Variants in STXBP5 observed in about 807,000 individuals in gnomAD.
STXBP5 encodes the protein syntaxin-binding protein 5.
Under a neutral mutation model 152.4 loss-of-function variants are expected in STXBP5, and 50 were observed. That is an observed-to-expected ratio of 0.33 (90% CI 0.26 to 0.42). The LOEUF (loss-of-function observed/expected upper bound fraction) is 0.42. STXBP5 is among the 10% of genes least tolerant of loss of function. The pLI, the probability that STXBP5 is intolerant of heterozygous loss-of-function variation, is 1.00. For synonymous variants in STXBP5, 492 were observed against 494.7 expected (o/e 0.99, Z 0.07); for missense variants, 1,167 against 1,388.6 (o/e 0.84, Z 2.54).
chr6:147,214,920 A>C (rs926829568), intron 2 of STXBP5, among the ~76,000 whole-genome samples: 1 of 152,226 alleles, frequency 6.6e-6, no homozygotes, highest in Admixed American at 6.5e-5. Context: ...CAGATTCCTA[A>C]ATGATCAACT....
intron 9 of STXBP5, among the ~76,000 whole-genome samples, chr6:147,300,640 C>G (rs1781760473): frequency 6.6e-6 from 1 of 151,994 alleles, no homozygotes; most frequent in Non-Finnish European, 1.5e-5. Flanking sequence ...TTTCACCAAA[C>G]ACAAAAATCT....
At chr6:147,224,621 AC>A (rs1313713627) in intron 2 of STXBP5, among the ~76,000 whole-genome samples, 1 of 152,170 alleles carries the variant, frequency 6.6e-6, no homozygotes, top group Non-Finnish European at 1.5e-5. Context: ...TTTCCTGGTA[AC>A]CTGCTACTTA....
At chr6:147,221,443 A>G (rs1188770977) in intron 2 of STXBP5, among the ~76,000 whole-genome samples, 3 of 151,558 alleles carry the variant, frequency 2.0e-5, no homozygotes, top group East Asian at 1.9e-4. Context: ...CAACTTTGAC[A>G]TTTTTTGCAG....
At chr6:147,328,622 G>T in intron 18 of STXBP5, 1 of 414,826 alleles carries the variant, frequency 2.4e-6, no homozygotes, top group South Asian at 1.8e-5. Context: ...ATCTTCAGCA[G>T]AGATTGTTGT....
chr6:147,384,536 G>A (rs1786246687), intron 27 of STXBP5, among the ~76,000 whole-genome samples, 178 bp from the exon 28 acceptor site: 1 of 152,008 alleles, frequency 6.6e-6, no homozygotes, highest in South Asian at 2.1e-4. Flanking sequence ...AATGGATATC[G>A]TATTTTTTCC....
At chr6:147,255,481 A>G (rs1334527570) in intron 4 of STXBP5, among the ~76,000 whole-genome samples, 2 of 150,228 alleles carry the variant, frequency 1.3e-5, no homozygotes, top group Non-Finnish European at 3.0e-5. Context: ...CTACTTCATG[A>G]AAGACTTTCT....
intron 21 of STXBP5, among the ~76,000 whole-genome samples, chr6:147,344,918 A>T (rs1256223648): frequency 1.3e-5 from 2 of 152,214 alleles, no homozygotes; most frequent in Non-Finnish European, 2.9e-5. Context: ...TGGAAAGCAG[A>T]TGGGTCAGGA....
intron 9 of STXBP5, among the ~76,000 whole-genome samples, chr6:147,295,099 G>T (rs1781451031): frequency 6.6e-6 from 1 of 152,104 alleles, no homozygotes; most frequent in South Asian, 2.1e-4. Context: ...CTTCATGAAG[G>T]ACTAAATGAA....
At chr6:147,321,759 T>G (rs982320657) in intron 16 of STXBP5, among the ~76,000 whole-genome samples, 18 of 152,328 alleles carry the variant, frequency 1.2e-4, no homozygotes, top group African/African-American at 4.3e-4. Context: ...ATGGAACTCT[T>G]TATAAAACTT....
chr6:147,250,469 A>G (rs1383077112), intron 4 of STXBP5, among the ~76,000 whole-genome samples: 2 of 152,238 alleles, frequency 1.3e-5, no homozygotes, highest in African/African-American at 2.4e-5. Context: ...TAAGTAATCT[A>G]GAAATGATTT....
Position 147,204,630 on chromosome 6 carries a change from G to T in STXBP5, c.98G>T (p.Arg33Leu). The change falls in exon 1 of 28, where the codon CGG (arginine) becomes CTG (leucine). Residue 33 changes from arginine to leucine, a missense_variant. By Grantham distance (102) the Arg-to-Leu change is moderately radical. Transcript: ENST00000321680. This position sits in a 1 kb window ranked among gnomAD's most constrained non-coding sequence, Gnocchi z 4.3. ...CAGCAGCAGCATCCGCCTGGGAACC[G>T]GGAGCCGGAGATCCAGGAAACGCTC... ...QQQQQHPPGN[R>L]EPEIQETLQS... The T allele has an allele frequency of 6.2e-7, 1 of 1,610,460 alleles. No homozygotes were observed. Among genetic ancestry groups the T allele is most frequent in the South Asian group, 1.1e-5 (1 of 90,918 alleles).
intron 19 of STXBP5, among the ~76,000 whole-genome samples, chr6:147,337,290 A>G (rs1304400353): frequency 1.3e-5 from 2 of 151,984 alleles, no homozygotes; most frequent in South Asian, 2.1e-4. Flanking sequence ...CACACATACC[A>G]TGATGTAAAT....
intron 4 of STXBP5, among the ~76,000 whole-genome samples, chr6:147,260,282 G>C (rs886710328): frequency 6.6e-5 from 10 of 152,178 alleles, no homozygotes; most frequent in African/African-American, 2.4e-4. Context: ...CAGGGGTGAT[G>C]TAGATGTTGA....
chr6:147,262,984 A>G (rs1403649491), intron 6 of STXBP5, among the ~76,000 whole-genome samples: 4 of 151,910 alleles, frequency 2.6e-5, no homozygotes, highest in Non-Finnish European at 5.9e-5. Flanking sequence ...ATGTTTTTCT[A>G]CCTATATAAT....
At chr6:147,352,368 G>A (rs1784626854) in intron 21 of STXBP5, among the ~76,000 whole-genome samples, 1 of 152,182 alleles carries the variant, frequency 6.6e-6, no homozygotes, top group Admixed American at 6.5e-5. Flanking sequence ...AGGCACGGTG[G>A]GTCACTCCTG....
chr6:147,233,007 AG>A (rs1355338731), intron 2 of STXBP5, among the ~76,000 whole-genome samples: 1 of 151,860 alleles, frequency 6.6e-6, no homozygotes, highest in African/African-American at 2.4e-5. Context: ...TCAAATTAGT[AG>A]ACCTGTTGCT....
chr6:147,374,433 A>T (rs1381200531), intron 26 of STXBP5, among the ~76,000 whole-genome samples: 1 of 152,160 alleles, frequency 6.6e-6, no homozygotes, highest in Non-Finnish European at 1.5e-5. Flanking sequence ...GAAAAACTGT[A>T]ACATTAAGTA....
At chr6:147,344,290 C>G (rs891047099) in intron 21 of STXBP5, among the ~76,000 whole-genome samples, 7 of 152,120 alleles carry the variant, frequency 4.6e-5, no homozygotes, top group African/African-American at 1.7e-4. Context: ...TATGCAATGA[C>G]CTTTCTAGAA....
At chr6:147,229,655 A>G (rs940970281) in intron 2 of STXBP5, among the ~76,000 whole-genome samples, 3 of 151,750 alleles carry the variant, frequency 2.0e-5, no homozygotes, top group African/African-American at 4.8e-5. Context: ...TTATTTTCTT[A>G]ATTTCATTTA....
Sources: allele counts gnomAD v4.1 joint callset (sites outside exome capture counted in the v4.1 genomes callset), GRCh38; gene constraint gnomAD v4.1.1; non-coding constraint Gnocchi (gnomAD v3.1); transcripts MANE v1.5; gene names NCBI Gene and HGNC (gene_info 2026-07-23, HGNC 2026-07-21).